Variants in SOAT1 observed in about 807,000 individuals in gnomAD.
SOAT1 encodes acyl-coenzyme A:cholesterol acyltransferase 1.
Under a neutral mutation model 69.5 loss-of-function variants are expected in SOAT1, and 55 were observed. That is an observed-to-expected ratio of 0.79 (90% CI 0.64 to 0.99). The LOEUF is 0.99. SOAT1 is among the 50% of genes least tolerant of loss of function. The probability of loss-of-function intolerance (pLI) is 0.00; values close to 1 mark genes in which losing one functional copy is unlikely to be tolerated. For missense variants in SOAT1, 580 were observed against 669.3 expected (o/e 0.87, Z 1.47); for synonymous variants, 231 against 224.7 (o/e 1.03, Z -0.25).
chr1:179,342,515 G>T (rs1255078394), intron 8 of SOAT1, among the ~76,000 whole-genome samples: 3 of 151,848 alleles, frequency 2.0e-5, no homozygotes, highest in Non-Finnish European at 2.9e-5. Context: ...GACTATTCCG[G>T]CTTTGCCCTT....
chr1:179,342,068 A>G (rs766937520), intron 7 of SOAT1, 46 bp from the exon 8 acceptor site: 2 of 1,611,730 alleles, frequency 1.2e-6, no homozygotes, highest in Admixed American at 1.7e-5. Context: ...GGACACTTGC[A>G]GGAGACTTTC....
intron 2 of SOAT1, among the ~76,000 whole-genome samples, chr1:179,309,994 G>A (rs973164912): frequency 2.6e-5 from 4 of 151,940 alleles, no homozygotes; most frequent in Admixed American, 6.6e-5. Context: ...CTGCCTCCCG[G>A]GTTCAAGCAA....
At chr1:179,312,560 T>C (rs1665256474) in intron 2 of SOAT1, among the ~76,000 whole-genome samples, 1 of 152,218 alleles carries the variant, frequency 6.6e-6, no homozygotes, top group Non-Finnish European at 1.5e-5. Flanking sequence ...TCTCCAGTCT[T>C]TTCTACGCTA....
chr1:179,331,666 A>G (rs1665979349), intron 3 of SOAT1, among the ~76,000 whole-genome samples: 1 of 152,242 alleles, frequency 6.6e-6, no homozygotes, highest in Non-Finnish European at 1.5e-5. Flanking sequence ...GAGCATATAC[A>G]CTTGAATATA....
intron 2 of SOAT1, among the ~76,000 whole-genome samples, chr1:179,310,004 A>G (rs12024910): frequency 0.49 from 75,087 of 151,780 alleles, 19,556 homozygotes; most frequent in East Asian, 0.85. Context: ...GGTTCAAGCA[A>G]TTCTCCTGCC....
chr1:179,318,399 A>C (rs982004503), intron 2 of SOAT1, among the ~76,000 whole-genome samples: 4 of 152,166 alleles, frequency 2.6e-5, no homozygotes, highest in African/African-American at 9.7e-5. Flanking sequence ...AAATACTGTC[A>C]TACCTTTCAA....
In SOAT1 at chr1:179,348,923, C is replaced by T. The variant is rs1666628627; in HGVS notation, c.1295C>T (p.Ala432Val). 1.2e-5 allele frequency: 19 copies of T among 1,588,830 alleles called. No individual in the cohort carries two copies. Among genetic ancestry groups the T allele is most frequent in the Non-Finnish European group, 1.6e-5 (19 of 1,157,296 alleles). The change falls in exon 13 of 16, where the codon GCT becomes GTT. Residue 432 changes from alanine to valine, a missense_variant. Ala to Val is a moderately conservative substitution (Grantham distance 64). Coordinates refer to ENST00000367619, the MANE Select transcript of SOAT1 (RefSeq NM_003101.6). The part of the protein sequence containing the change: ...VVVHDWLYYY[A>V]YKDFLWFFSK... ...GTCCATGACTGGCTATATTACTATG[C>T]TTACAAGGACTTTCTCTGGGTAAGT...
rs34315375 is a variant in SOAT1, at chr1:179,356,594, A to T, written c.*2953A>T. On this transcript the variant is annotated 3_prime_UTR_variant, in exon 16 of 16. Transcript: ENST00000367619. ...GGTCTCAAACTCCTGGAGTCAAGGG[A>T]TCTATTTGCCTCAGCCTCTCAAAGT... 31,498 of 147,764 alleles carry T rather than the reference A, an allele frequency of 0.21. 3,427 individuals are homozygous for T. The highest frequency in any genetic ancestry group is 0.24 in the Non-Finnish European group (16,312 of 67,464). 9.2% of individuals were successfully genotyped at this position (147,764 alleles called of 1,614,324 possible). A position where few individuals can be genotyped will look rare whatever the true frequency, so the allele number is the denominator to read the frequency against.
At chr1:179,302,247 A>G (rs1211138458) in intron 1 of SOAT1, among the ~76,000 whole-genome samples, 1 of 152,180 alleles carries the variant, frequency 6.6e-6, no homozygotes, top group Non-Finnish European at 1.5e-5. Context: ...TCCTAAATAT[A>G]GTGGTATTGT....
At chr1:179,349,030 T>C (rs540716641) in intron 13 of SOAT1, 88 bp downstream of exon 13, 4 of 756,848 alleles carry the variant, frequency 5.3e-6, no homozygotes, top group Non-Finnish European at 9.1e-6. Context: ...GAAGAAGTTA[T>C]ATTTAATTGC....
In SOAT1 at chr1:179,319,268, T is replaced by C. The variant is rs1360097830; in HGVS notation, c.119-4169T>C. Among the ~76,000 whole-genome samples, 3 of 74,744 alleles carry C rather than the reference T, an allele frequency of 4.0e-5. No individual in the cohort carries two copies. The Admixed American group carries it at 4.1e-4, about 10-fold the overall frequency. 49.0% of individuals were successfully genotyped at this position (74,744 alleles called of 152,430 possible). A position where few individuals can be genotyped will look rare whatever the true frequency, so the allele number is the denominator to read the frequency against. Reference sequence around the variant, plus strand: ...GAAATATCTGTTCAGTTACTTTGCCTTTTTTTTTTTTTTTTTTAAAAGACA... The same window carrying C: ...GAAATATCTGTTCAGTTACTTTGCCCTTTTTTTTTTTTTTTTTAAAAGACA... On this transcript the variant is annotated intron_variant, in intron 2 of 15. Coordinates refer to ENST00000367619, the MANE Select transcript of SOAT1 (RefSeq NM_003101.6).
At chr1:179,301,130 G>A (rs948519869) in intron 1 of SOAT1, among the ~76,000 whole-genome samples, 1 of 152,078 alleles carries the variant, frequency 6.6e-6, no homozygotes, top group Non-Finnish European at 1.5e-5. Context: ...ATGTGGTCTT[G>A]CTATGTTTCC....
intron 3 of SOAT1, among the ~76,000 whole-genome samples, chr1:179,330,064 G>A (rs149465919): frequency 1.3e-5 from 2 of 152,136 alleles, no homozygotes; most frequent in African/African-American, 4.8e-5. Context: ...CTGAGACAGT[G>A]GTAAAGCAGT....
intron 15 of SOAT1, among the ~76,000 whole-genome samples, chr1:179,352,605 A>G (rs1233463958): frequency 1.3e-5 from 2 of 152,148 alleles, no homozygotes; most frequent in Non-Finnish European, 1.5e-5. Flanking sequence ...GGCATCCTGT[A>G]CTTGTATTTG....
intron 8 of SOAT1, 147 bp downstream of exon 8, chr1:179,342,339 T>C (rs1161495685): frequency 1.1e-5 from 6 of 553,212 alleles, no homozygotes; most frequent in Non-Finnish European, 1.9e-5. Flanking sequence ...CTCTCTCTCT[T>C]TTTCTTTTCT....
intron 11 of SOAT1, 44 bp downstream of exon 11, chr1:179,345,120 G>A (rs1177549803): frequency 1.2e-6 from 2 of 1,604,942 alleles, no homozygotes; most frequent in African/African-American, 2.7e-5. Flanking sequence ...AAATTCACGA[G>A]GTAAATAGAA....
chr1:179,348,972 T>G (rs770563037), intron 13 of SOAT1, 30 bp downstream of exon 13: 7 of 1,153,194 alleles, frequency 6.1e-6, no homozygotes, highest in Non-Finnish European at 9.2e-6. Context: ...TTGATATTAT[T>G]TATGAAATGG....
Position 179,327,806 on chromosome 1 carries a change from A to G in SOAT1, c.177+4311A>G, listed in dbSNP as rs1665842142. ...GAGCAAACCTTTTAGTCTGAAGGGA[A>G]GAGGAGTGAGGGAAGTGATAACATG... On this transcript the variant is annotated intron_variant, in intron 3 of 15. Coordinates refer to ENST00000367619, the MANE Select transcript of SOAT1 (RefSeq NM_003101.6). 3.3e-5 allele frequency among the ~76,000 whole-genome samples: 5 copies of G among 152,188 alleles called. No homozygotes were observed. In the South Asian group the frequency reaches 1.0e-3, roughly 31 times the overall value.
chr1:179,323,658 C>T (rs776323120), intron 3 of SOAT1, among the ~76,000 whole-genome samples, 163 bp downstream of exon 3: 18 of 152,192 alleles, frequency 1.2e-4, no homozygotes, highest in Non-Finnish European at 2.1e-4. Context: ...TGTCATCCTG[C>T]GTAAGGATCC....
Sources: gnomAD v4.1 joint callset for allele counts (sites outside exome capture counted in the v4.1 genomes callset) on GRCh38, gnomAD v4.1.1 for gene constraint, MANE v1.5 for transcripts, NCBI Gene and HGNC (gene_info 2026-07-23, HGNC 2026-07-21) for gene names.